ARHGEF28: variants seen among roughly 807,000 people sequenced by gnomAD.
The protein encoded by ARHGEF28 is Rho guanine nucleotide exchange factor 28, also known as 190 kDa guanine nucleotide exchange factor.
Under a neutral mutation model 206.6 loss-of-function variants are expected in ARHGEF28, and 152 were observed. That is an observed-to-expected ratio of 0.74 (90% CI 0.64 to 0.84). ARHGEF28 has a LOEUF of 0.84. Ranked by LOEUF, ARHGEF28 falls within the 40% of genes least tolerant of loss-of-function variation. The probability of loss-of-function intolerance (pLI) is 0.00; values close to 1 mark genes in which losing one functional copy is unlikely to be tolerated. For missense variants in ARHGEF28, 2,028 were observed against 2,073.2 expected, an observed-to-expected ratio of 0.98 and a Z score of 0.42; for synonymous variants, 763 against 776.4, an observed-to-expected ratio of 0.98 and a Z score of 0.29.
chr5:73,780,067 T>C (rs1454378660), intron 6 of ARHGEF28, among the ~76,000 whole-genome samples: 1 of 152,200 alleles, frequency 6.6e-6, no homozygotes, highest in African/African-American at 2.4e-5. Flanking sequence ...TGCATAATTC[T>C]GTGTTTCTTC....
At chr5:73,817,964 TGCA>T (rs2112531980) in intron 9 of ARHGEF28, among the ~76,000 whole-genome samples, 2 of 152,294 alleles carry the variant, frequency 1.3e-5, no homozygotes, top group Non-Finnish European at 2.9e-5. Flanking sequence ...GGGTTGTTTG[TGCA>T]TCTTGATACC....
At chr5:73,848,507 G>A (rs1336505102) in intron 12 of ARHGEF28, among the ~76,000 whole-genome samples, 1 of 152,082 alleles carries the variant, frequency 6.6e-6, no homozygotes, top group African/African-American at 2.4e-5. Context: ...CTTAAATCAT[G>A]GTTTGGAAGT....
intron 7 of ARHGEF28, among the ~76,000 whole-genome samples, chr5:73,783,400 G>A (rs6898065): frequency 0.042 from 6,367 of 151,466 alleles, 464 homozygotes; most frequent in African/African-American, 0.14. Context: ...GTGTGTGTGC[G>A]CGCTTCTGTA....
chr5:73,756,689 G>A (rs533213354), intron 4 of ARHGEF28, among the ~76,000 whole-genome samples: 83 of 152,246 alleles, frequency 5.5e-4, no homozygotes, highest in Non-Finnish European at 9.0e-4. Flanking sequence ...CTTAACAGAT[G>A]TATTTATCAG....
At chr5:73,736,863 T>G (rs990179553) in intron 2 of ARHGEF28, among the ~76,000 whole-genome samples, 1 of 148,406 alleles carries the variant, frequency 6.7e-6, no homozygotes, top group African/African-American at 2.5e-5. Context: ...GGGAGGGAGG[T>G]AGAAGAGGGA....
intron 35 of ARHGEF28, 26 bp downstream of exon 35, chr5:73,911,601 G>A (rs1455735783): frequency 1.3e-6 from 2 of 1,549,850 alleles, no homozygotes; most frequent in South Asian, 1.2e-5. Context: ...AACATCATCT[G>A]TATAGTTTGA....
chr5:73,813,220 A>G (rs774509013), intron 9 of ARHGEF28, among the ~76,000 whole-genome samples: 1 of 152,074 alleles, frequency 6.6e-6, no homozygotes, highest in Non-Finnish European at 1.5e-5. Flanking sequence ...TTCAATTCCC[A>G]GTTACCTTCC....
intron 2 of ARHGEF28, among the ~76,000 whole-genome samples, chr5:73,686,421 A>G (rs915687304): frequency 6.6e-6 from 1 of 152,186 alleles, no homozygotes; most frequent in Admixed American, 6.5e-5. Flanking sequence ...GATTGTGACC[A>G]GATTTGGGGA....
intron 30 of ARHGEF28, 194 bp from the exon 31 acceptor site, chr5:73,900,990 A>T: frequency 2.0e-6 from 1 of 505,776 alleles, no homozygotes; most frequent in Non-Finnish European, 3.6e-6. Flanking sequence ...GTTAGCGTGT[A>T]AGCCCCATGT....
intron 35 of ARHGEF28, among the ~76,000 whole-genome samples, chr5:73,914,776 A>G (rs527535646): frequency 2.0e-5 from 3 of 152,204 alleles, no homozygotes; most frequent in African/African-American, 7.2e-5. Context: ...CCCAGGTTGG[A>G]GTTCAGTGGC....
At chr5:73,817,247 CT>C (rs1359774781) in intron 9 of ARHGEF28, among the ~76,000 whole-genome samples, 1 of 152,182 alleles carries the variant, frequency 6.6e-6, no homozygotes, top group Non-Finnish European at 1.5e-5. Context: ...CATTTGTTTT[CT>C]TTTTGCTGGT....
intron 1 of ARHGEF28, among the ~76,000 whole-genome samples, chr5:73,668,123 C>T (rs10805881): frequency 0.74 from 111,892 of 151,926 alleles, 41,280 homozygotes; most frequent in East Asian, 0.82. Context: ...GCTCCACTTA[C>T]GGCAATCTAG....
intron 2 of ARHGEF28, among the ~76,000 whole-genome samples, chr5:73,704,022 TAA>T (rs11386247): frequency 6.9e-6 from 1 of 144,976 alleles, no homozygotes; most frequent in Non-Finnish European, 1.5e-5. Flanking sequence ...AGACTCTGTC[TAA>T]AAAAAAAAAA....
At chr5:73,697,079 T>C (rs907844171) in intron 2 of ARHGEF28, among the ~76,000 whole-genome samples, 11 of 152,256 alleles carry the variant, frequency 7.2e-5, no homozygotes, top group African/African-American at 2.2e-4. Flanking sequence ...ATATGGAATA[T>C]GTAAACATTA....
intron 9 of ARHGEF28, among the ~76,000 whole-genome samples, chr5:73,830,324 C>G (rs890119793): frequency 1.3e-5 from 2 of 151,970 alleles, no homozygotes; most frequent in Non-Finnish European, 2.9e-5. Context: ...GAGGCCGAGG[C>G]GGCTGGATCA....
intron 9 of ARHGEF28, among the ~76,000 whole-genome samples, chr5:73,817,530 T>G (rs1383135563): frequency 6.6e-6 from 1 of 152,104 alleles, no homozygotes; most frequent in Non-Finnish European, 1.5e-5. Context: ...ATTCCCAAAG[T>G]CATACCAGGA....
chr5:73,895,061 C>G (rs190732250), intron 29 of ARHGEF28, among the ~76,000 whole-genome samples: 62 of 152,218 alleles, frequency 4.1e-4, no homozygotes, highest in Middle Eastern at 3.4e-3. Flanking sequence ...CCAGGGTTCA[C>G]TAGGTCTCAG....
intron 22 of ARHGEF28, among the ~76,000 whole-genome samples, chr5:73,875,916 T>C (rs1264088400): frequency 6.6e-6 from 1 of 152,134 alleles, no homozygotes; most frequent in Non-Finnish European, 1.5e-5. Flanking sequence ...CTTTTTTGGT[T>C]CCATATGAAC....
intron 10 of ARHGEF28, among the ~76,000 whole-genome samples, chr5:73,833,994 A>G (rs532017619): frequency 5.9e-4 from 90 of 152,284 alleles, no homozygotes; most frequent in Middle Eastern, 6.8e-3. Flanking sequence ...ACCATACCAC[A>G]GGGTAATTGG....
Sources: gnomAD v4.1 joint callset for allele counts (sites outside exome capture counted in the v4.1 genomes callset) on GRCh38, gnomAD v4.1.1 for gene constraint, MANE v1.5 for transcripts, NCBI Gene and HGNC (gene_info 2026-07-23, HGNC 2026-07-21) for gene names.